NBAS: variants seen among roughly 807,000 people sequenced by gnomAD.
NBAS encodes NAG/BC035112 fusion.
Under a neutral mutation model 302.5 loss-of-function variants are expected in NBAS, and 219 were observed. The ratio of observed to expected loss-of-function variants is 0.72; its 90% CI spans 0.65 to 0.81. The LOEUF (loss-of-function observed/expected upper bound fraction) is 0.81, where lower values mean the gene tolerates loss of function less well. NBAS is among the 30% of genes least tolerant of loss of function. The probability of loss-of-function intolerance (pLI) is 0.00; values close to 1 mark genes in which losing one functional copy is unlikely to be tolerated. For synonymous variants in NBAS, 1,118 were observed against 1,021.6 expected (o/e 1.09, Z -1.80); for missense variants, 2,932 against 2,841.6 (o/e 1.03, Z -0.72).
At chr2:15,003,009 C>G in the NBAS span, among the ~76,000 whole-genome samples, 1 of 152,258 alleles carries the variant, frequency 6.6e-6, no homozygotes, top group Non-Finnish European at 1.5e-5. Flanking sequence ...CTGAAGGGCT[C>G]CTCAAGTGCA....
At chr2:15,489,435 C>T (rs1680765370) in intron 11 of NBAS, among the ~76,000 whole-genome samples, 1 of 151,814 alleles carries the variant, frequency 6.6e-6, no homozygotes, top group African/African-American at 2.4e-5. Flanking sequence ...CTGAAGTATG[C>T]TATATATCAT....
intron 47 of NBAS, among the ~76,000 whole-genome samples, chr2:15,230,137 G>T (rs779911633): frequency 1.2e-4 from 19 of 152,076 alleles, no homozygotes; most frequent in Non-Finnish European, 2.5e-4. Flanking sequence ...GCTCCTAGAG[G>T]TTAGGCTGTC....
At chr2:14,882,475 C>T in the NBAS span, among the ~76,000 whole-genome samples, 1 of 152,140 alleles carries the variant, frequency 6.6e-6, no homozygotes, top group Non-Finnish European at 1.5e-5. Flanking sequence ...TGCATGCCTC[C>T]TTTTCTAGGG....
the NBAS span, among the ~76,000 whole-genome samples, chr2:15,045,596 T>C: frequency 6.6e-6 from 1 of 152,226 alleles, no homozygotes; most frequent in Admixed American, 6.5e-5. Flanking sequence ...CATCACATTT[T>C]TTAATCAATT....
the NBAS span, among the ~76,000 whole-genome samples, chr2:15,110,020 A>C: frequency 2.7e-5 from 4 of 148,940 alleles, no homozygotes; most frequent in African/African-American, 1.0e-4. Context: ...AATGACAGTA[A>C]AATAATTTTT....
At chr2:15,050,092 G>A in the NBAS span, among the ~76,000 whole-genome samples, 1 of 152,106 alleles carries the variant, frequency 6.6e-6, no homozygotes, top group Admixed American at 6.5e-5. Flanking sequence ...TGTCACCTGT[G>A]AGTTAACCAG....
chr2:15,203,085 G>A (rs1321157370), intron 48 of NBAS, among the ~76,000 whole-genome samples: 5 of 152,122 alleles, frequency 3.3e-5, no homozygotes, highest in Admixed American at 1.3e-4. Context: ...AGCAATATCA[G>A]ATTACTTTGA....
chr2:14,821,553 G>A, the NBAS span, among the ~76,000 whole-genome samples: 1 of 152,000 alleles, frequency 6.6e-6, no homozygotes, highest in African/African-American at 2.4e-5. Context: ...ATTTTCCCCG[G>A]ACTAGAACTC....
intron 45 of NBAS, 107 bp from the exon 46 acceptor site, chr2:15,234,854 A>G: frequency 8.8e-7 from 1 of 1,136,010 alleles, no homozygotes; most frequent in Non-Finnish European, 1.3e-6. Context: ...CATGAAAAGC[A>G]GCAACACCAT....
rs1572568870 is a variant in NBAS at position 15,274,517 on chromosome 2, T to G, written c.5724+967A>C. Among the ~76,000 whole-genome samples, 5 of 152,116 alleles carry G rather than the reference T, an allele frequency of 3.3e-5. No individual in the cohort carries two copies. The South Asian group carries it at 1.0e-3, about 32-fold the overall frequency. ...TGCTAAGATTTTCCAGGAGAGAGAA[T>G]GCCCAGAGTCCAAGTAGTGAAAAAT... On this transcript the variant is annotated intron_variant, in intron 44 of 51. Transcript: ENST00000281513.
the NBAS span, among the ~76,000 whole-genome samples, chr2:15,050,266 A>C: frequency 6.6e-6 from 1 of 150,986 alleles, no homozygotes; most frequent in South Asian, 2.1e-4. Flanking sequence ...TCTTTCTTTT[A>C]TTTTTCTTTC....
intron 19 of NBAS, among the ~76,000 whole-genome samples, chr2:15,464,741 C>A (rs75820500): frequency 6.6e-6 from 1 of 152,152 alleles, no homozygotes; most frequent in Non-Finnish European, 1.5e-5. Context: ...CAACCTCTGA[C>A]AAAAATTCAA....
chr2:15,104,720 C>T, the NBAS span, among the ~76,000 whole-genome samples: 2 of 152,082 alleles, frequency 1.3e-5, no homozygotes, highest in African/African-American at 2.4e-5. Flanking sequence ...CTGTTGTTTC[C>T]TGACTTTTTA....
chr2:14,903,750 G>A, the NBAS span, among the ~76,000 whole-genome samples: 4 of 152,092 alleles, frequency 2.6e-5, no homozygotes, highest in Admixed American at 6.5e-5. Context: ...AAGGAATCGG[G>A]GAGCAAAAGT....
At chr2:14,838,423 A>T in the NBAS span, among the ~76,000 whole-genome samples, 76,948 of 151,626 alleles carry the variant, frequency 0.51, 20,228 homozygotes, top group African/African-American at 0.65. Context: ...TTTTGTTGCA[A>T]CACTTTTTAT....
chr2:15,146,619 C>T, the NBAS span, among the ~76,000 whole-genome samples: 9 of 152,188 alleles, frequency 5.9e-5, no homozygotes, highest in South Asian at 8.3e-4. Context: ...GCCCGAAGAA[C>T]GTCCCAGGCA....
chr2:14,858,310 G>C, the NBAS span, among the ~76,000 whole-genome samples: 1 of 152,064 alleles, frequency 6.6e-6, no homozygotes, highest in South Asian at 2.1e-4. Flanking sequence ...CCACTGCTGG[G>C]TATATACCCA....
intron 9 of NBAS, among the ~76,000 whole-genome samples, chr2:15,528,878 A>AAAAT (rs555894886): frequency 6.7e-4 from 82 of 121,532 alleles, no homozygotes; most frequent in African/African-American, 2.4e-3. Flanking sequence ...AAAAAAAAAA[A>AAAAT]ATATATATAT....
chr2:15,162,406 A>G (rs1174946836), downstream of NBAS, among the ~76,000 whole-genome samples: 1 of 152,298 alleles, frequency 6.6e-6, no homozygotes, highest in Non-Finnish European at 1.5e-5. Context: ...GGTTTTGGAA[A>G]TCTTCGTCTT....
Sources: gnomAD v4.1 joint callset for allele counts (sites outside exome capture counted in the v4.1 genomes callset) on GRCh38, gnomAD v4.1.1 for gene constraint, MANE v1.5 for transcripts, NCBI Gene and HGNC (gene_info 2026-07-23, HGNC 2026-07-21) for gene names.